PIK3C2G: variants seen among roughly 807,000 people sequenced by gnomAD.
PIK3C2G encodes the protein phosphatidylinositol 3-kinase C2 domain-containing subunit gamma.
A neutral mutation model predicts 181.1 loss-of-function variants in PIK3C2G; 168 were observed. The observed-to-expected ratio is 0.93, with a 90% confidence interval of 0.82 to 1.05. The LOEUF is 1.05. Among genes scored for constraint, PIK3C2G ranks in the 50% least tolerant of loss-of-function variants. The pLI, the probability that PIK3C2G is intolerant of heterozygous loss-of-function variation, is 0.00. For missense variants in PIK3C2G, 1,869 were observed against 1,732.8 expected (o/e 1.08, Z -1.40); for synonymous variants, 573 against 592.2 (o/e 0.97, Z 0.47).
At chr12:18,335,372 C>T (rs1591986875) in intron 8 of PIK3C2G, among the ~76,000 whole-genome samples, 1 of 152,160 alleles carries the variant, frequency 6.6e-6, no homozygotes, top group South Asian at 2.1e-4. Context: ...ACTGCTCAGG[C>T]TTGAAATTCC....
At chr12:18,681,019 G>GT in the PIK3C2G span, among the ~76,000 whole-genome samples, 1 of 152,044 alleles carries the variant, frequency 6.6e-6, no homozygotes, top group African/African-American at 2.4e-5. Context: ...CGATATTCAT[G>GT]TTTTTGCCGT....
At chr12:18,513,010 T>C (rs897775980) in intron 24 of PIK3C2G, among the ~76,000 whole-genome samples, 11 of 151,870 alleles carry the variant, frequency 7.2e-5, no homozygotes, top group Admixed American at 1.3e-4. Context: ...TGAAGGTATG[T>C]TACATTTTGT....
chr12:18,416,704 A>G (rs1413876920), intron 16 of PIK3C2G, among the ~76,000 whole-genome samples: 2 of 152,204 alleles, frequency 1.3e-5, no homozygotes, highest in African/African-American at 4.8e-5. Flanking sequence ...TGTTAAGCCC[A>G]CTGTTGAAAC....
chr12:18,362,794 T>G lies in PIK3C2G; in HGVS notation c.1656T>G (p.Leu552=), dbSNP rs1028707209. The G allele has an allele frequency of 3.9e-6, 6 of 1,524,304 alleles. No homozygotes were observed. In the African/African-American group the frequency reaches 6.9e-5, roughly 18 times the overall value. 94.4% of individuals were successfully genotyped at this position (1,524,304 alleles called of 1,614,324 possible). The change falls in exon 12 of 33, where the codon CTT becomes CTG. Residue 552 remains leucine (L), a synonymous_variant. Coordinates refer to ENST00000538779, the MANE Select transcript of PIK3C2G (RefSeq NM_001288772.2). ...AAGCGTTTTCTTTTACCTGTTGGCT[T>G]ACATATGCTGGAAAGAAGCTGTGCC... ...SYKAFSFTCW[L]TYAGKKLCQV...
chr12:18,502,735 AT>A (rs942719621), intron 22 of PIK3C2G, among the ~76,000 whole-genome samples: 4 of 152,216 alleles, frequency 2.6e-5, no homozygotes, highest in African/African-American at 9.6e-5. Flanking sequence ...TTTCTCTTTA[AT>A]GTTGACTGAG....
At chr12:18,672,070 A>G in the PIK3C2G span, among the ~76,000 whole-genome samples, 2 of 152,314 alleles carry the variant, frequency 1.3e-5, no homozygotes, top group East Asian at 1.9e-4. Flanking sequence ...ATTTCAGCAT[A>G]TGAATTTTAT....
chr12:18,417,939 T>C (rs534090222), intron 16 of PIK3C2G, among the ~76,000 whole-genome samples: 2 of 152,222 alleles, frequency 1.3e-5, no homozygotes, highest in East Asian at 1.9e-4. Flanking sequence ...ATGAGTGGTA[T>C]TTATAAAATT....
intron 29 of PIK3C2G, among the ~76,000 whole-genome samples, chr12:18,573,359 T>A (rs11044195): frequency 0.052 from 7,874 of 152,220 alleles, 694 homozygotes; most frequent in African/African-American, 0.18. Context: ...GGGTCCAGAC[T>A]CAAGGAGAGG....
intron 24 of PIK3C2G, among the ~76,000 whole-genome samples, chr12:18,537,768 G>C (rs781232604): frequency 6.6e-6 from 1 of 151,682 alleles, no homozygotes; most frequent in Non-Finnish European, 1.5e-5. Context: ...ATACTATAAG[G>C]TCAAACACAT....
chr12:18,598,852 CT>C (rs1298360076), intron 30 of PIK3C2G, among the ~76,000 whole-genome samples: 1 of 151,806 alleles, frequency 6.6e-6, no homozygotes, highest in Non-Finnish European at 1.5e-5. Flanking sequence ...TGAACAGACG[CT>C]TCTCAAAAGA....
chr12:18,275,044 T>G (rs966507148), intron 1 of PIK3C2G, among the ~76,000 whole-genome samples: 4 of 152,234 alleles, frequency 2.6e-5, no homozygotes, highest in Admixed American at 2.0e-4. Context: ...TAAAAGTCCA[T>G]AAGAACAATA....
intron 24 of PIK3C2G, among the ~76,000 whole-genome samples, chr12:18,529,102 C>G (rs185175035): frequency 2.1e-5 from 3 of 142,334 alleles, no homozygotes; most frequent in Non-Finnish European, 4.5e-5. Context: ...ACACAGCCTA[C>G]GCTTTTTCCA....
chr12:18,263,797 A>G (rs1385895834), intron 1 of PIK3C2G, among the ~76,000 whole-genome samples: 1 of 152,158 alleles, frequency 6.6e-6, no homozygotes, highest in African/African-American at 2.4e-5. Flanking sequence ...ATTCTGGTAT[A>G]TCTGTAACAA....
the PIK3C2G span, among the ~76,000 whole-genome samples, chr12:18,666,351 T>C: frequency 6.6e-6 from 1 of 152,050 alleles, no homozygotes; most frequent in African/African-American, 2.4e-5. Flanking sequence ...TACAAGACAC[T>C]CCTTAGATTT....
At chr12:18,255,389 G>A (rs1948136156) in intron 1 of PIK3C2G, among the ~76,000 whole-genome samples, 1 of 152,020 alleles carries the variant, frequency 6.6e-6, no homozygotes, top group African/African-American at 2.4e-5. Context: ...ATACAGTTTT[G>A]ATCTAATTCT....
rs571153786 is a variant in PIK3C2G, at chr12:18,293,276, C to T, written c.920-625C>T. 8.4e-4 allele frequency among the ~76,000 whole-genome samples: 127 copies of T among 151,844 alleles called. 2 individuals are homozygous for T. Among genetic ancestry groups the T allele is most frequent in the Non-Finnish European group, 1.4e-3 (92 of 67,916 alleles). ...AGATGAAGAAACTAGGTCAAAAAGG[C>T]GAAATAACTTGTTTACATAAATCAA... On this transcript the variant is annotated intron_variant, in intron 4 of 32. Coordinates refer to ENST00000538779, the MANE Select transcript of PIK3C2G (RefSeq NM_001288772.2).
At chr12:18,392,893 A>G (rs2138064267) in intron 15 of PIK3C2G, among the ~76,000 whole-genome samples, 1 of 152,234 alleles carries the variant, frequency 6.6e-6, no homozygotes, top group African/African-American at 2.4e-5. Context: ...TGAAGATGAC[A>G]GAAAATTCTC....
intron 18 of PIK3C2G, among the ~76,000 whole-genome samples, chr12:18,439,253 G>A (rs796800475): frequency 2.0e-5 from 3 of 152,068 alleles, no homozygotes; most frequent in African/African-American, 7.2e-5. Flanking sequence ...GTCATTTAGT[G>A]TCAGTGAAAT....
At position 18,320,973 on chromosome 12, in the gene PIK3C2G, CCA is replaced by C. The variant is rs767613557; in HGVS notation, c.1152_1153del (p.His384GlnfsTer30). 1.3e-6 allele frequency: 2 copies of C among 1,562,664 alleles called. No individual in the cohort carries two copies. Among genetic ancestry groups the C allele is most frequent in the South Asian group, 2.2e-5 (2 of 89,000 alleles). Reference sequence around the variant, plus strand: ...TCTGCTGTCTACAGCATGAAGAGGACCACAGTCAGTTTTATCTGAATCAACTT... The same window carrying C: ...TCTGCTGTCTACAGCATGAAGAGGACCAGTCAGTTTTATCTGAATCAACTT... ...GKLSRKHEED[H>X]SQFYLNQLLE... On this transcript the variant is annotated frameshift_variant, in exon 7 of 33. Coordinates refer to ENST00000538779, the MANE Select transcript of PIK3C2G (RefSeq NM_001288772.2). LOFTEE classifies it high-confidence loss of function.
Sources: gnomAD v4.1 joint callset for allele counts (sites outside exome capture counted in the v4.1 genomes callset) on GRCh38, gnomAD v4.1.1 for gene constraint, MANE v1.5 for transcripts, NCBI Gene and HGNC (gene_info 2026-07-23, HGNC 2026-07-21) for gene names.